CCDC148: variants seen among roughly 807,000 people sequenced by gnomAD.
CCDC148 encodes the protein coiled-coil domain containing 148, also known as coiled-coil domain-containing protein 148.
CCDC148 carries 89 observed loss-of-function variants against 85.7 expected under a neutral mutation model. The observed-to-expected ratio is 1.04, with a 90% CI of 0.87 to 1.24. The LOEUF (loss-of-function observed/expected upper bound fraction) is 1.24, where lower values mean the gene tolerates loss of function less well. Ranked by LOEUF, CCDC148 falls within the 50% of genes most tolerant of loss-of-function variation. The pLI, the probability that CCDC148 is intolerant of heterozygous loss-of-function variation, is 0.00. For synonymous variants in CCDC148, 230 were observed against 213.9 expected, an observed-to-expected ratio of 1.08 and a Z score of -0.66; for missense variants, 692 against 671.7, an observed-to-expected ratio of 1.03 and a Z score of -0.33.
At chr2:158,305,061 G>A (rs1691618901) in intron 9 of CCDC148, among the ~76,000 whole-genome samples, 1 of 152,102 alleles carries the variant, frequency 6.6e-6, no homozygotes, top group Non-Finnish European at 1.5e-5. Context: ...ATCAGAGTCA[G>A]GGTAGGAGAG....
intron 2 of CCDC148, among the ~76,000 whole-genome samples, chr2:158,350,647 A>G (rs1020147928): frequency 6.6e-6 from 1 of 152,200 alleles, no homozygotes; most frequent in African/African-American, 2.4e-5. Context: ...AAAATTGGAT[A>G]CATCTCAAAT....
chr2:158,281,774 T>C (rs563662114), intron 9 of CCDC148, among the ~76,000 whole-genome samples: 220 of 152,290 alleles, frequency 1.4e-3, no homozygotes, highest in African/African-American at 5.1e-3. Context: ...CTAACTCATT[T>C]TATGAGGCCA....
Position 158,309,743 on chromosome 2 carries a change from T to C in CCDC148, c.904-104A>G, listed in dbSNP as rs569113624. On this transcript the variant is annotated intron_variant, in intron 8 of 13. Transcript: ENST00000283233. ...AGAAAATGAATTATAACCAATGATTTTGAAAAACTGGGGACAAATATTTAA... is the reference window on the plus strand; with the variant it reads ...AGAAAATGAATTATAACCAATGATTCTGAAAAACTGGGGACAAATATTTAA... 24 of 858,346 alleles carry C rather than the reference T, an allele frequency of 2.8e-5. No homozygotes were observed. The African/African-American group carries it at 4.1e-4, about 15-fold the overall frequency. 53.2% of individuals were successfully genotyped at this position (858,346 alleles called of 1,614,324 possible).
At chr2:158,279,345 T>A (rs993421987) in intron 9 of CCDC148, among the ~76,000 whole-genome samples, 3 of 152,118 alleles carry the variant, frequency 2.0e-5, no homozygotes, top group Middle Eastern at 6.3e-3. Flanking sequence ...AGGAGGAAAT[T>A]CAAACCAAAG....
At chr2:158,419,060 G>A (rs564256007) in intron 1 of CCDC148, among the ~76,000 whole-genome samples, 1 of 152,208 alleles carries the variant, frequency 6.6e-6, no homozygotes, top group East Asian at 1.9e-4. Flanking sequence ...GTAGCATTAG[G>A]TTTAGCTTTG....
chr2:158,349,612 G>T (rs1286408631), intron 2 of CCDC148, among the ~76,000 whole-genome samples: 1 of 151,630 alleles, frequency 6.6e-6, no homozygotes, highest in Non-Finnish European at 1.5e-5. Context: ...TTAAGAAAAA[G>T]TCCTATTTGG....
intron 7 of CCDC148, among the ~76,000 whole-genome samples, chr2:158,329,674 CTT>C (rs1559074188): frequency 6.6e-6 from 1 of 152,066 alleles, no homozygotes; most frequent in South Asian, 2.1e-4. Context: ...TTTGTATCCT[CTT>C]TTATTTCATT....
intron 1 of CCDC148, among the ~76,000 whole-genome samples, chr2:158,431,529 T>C (rs67774266): frequency 0.34 from 51,934 of 150,820 alleles, 10,153 homozygotes; most frequent in Middle Eastern, 0.48. Flanking sequence ...CTACACACGC[T>C]GTGAAATATC....
intron 9 of CCDC148, among the ~76,000 whole-genome samples, chr2:158,282,001 A>T (rs960073240): frequency 3.9e-5 from 6 of 152,088 alleles, no homozygotes; most frequent in African/African-American, 1.4e-4. Flanking sequence ...GTAATCCAGC[A>T]TATAAACAGA....
intron 11 of CCDC148, among the ~76,000 whole-genome samples, chr2:158,214,078 TAG>T (rs1202384430): frequency 3.4e-5 from 4 of 118,476 alleles, no homozygotes; most frequent in Admixed American, 1.1e-4. Context: ...ACTTGGAGCA[TAG>T]AGTTACAGAA....
intron 1 of CCDC148, among the ~76,000 whole-genome samples, chr2:158,430,225 C>A (rs960742515): frequency 1.3e-5 from 2 of 152,108 alleles, no homozygotes; most frequent in Non-Finnish European, 2.9e-5. Flanking sequence ...CAGTAGGGAC[C>A]TCAGGAGCCT....
intron 9 of CCDC148, among the ~76,000 whole-genome samples, chr2:158,273,262 G>C (rs985581122): frequency 6.6e-6 from 1 of 152,128 alleles, no homozygotes; most frequent in Non-Finnish European, 1.5e-5. Flanking sequence ...GTGATTGCAG[G>C]CATGATATAT....
chr2:158,172,449 C>T (rs1013461496), intron 13 of CCDC148, among the ~76,000 whole-genome samples, 190 bp from the exon 14 acceptor site: 1 of 151,934 alleles, frequency 6.6e-6, no homozygotes, highest in African/African-American at 2.4e-5. Flanking sequence ...TTCAGTACAT[C>T]AGTGGTTTCC....
intron 10 of CCDC148, among the ~76,000 whole-genome samples, chr2:158,248,389 T>C (rs1445147413): frequency 6.6e-6 from 1 of 152,120 alleles, no homozygotes; most frequent in Non-Finnish European, 1.5e-5. Context: ...CTAATGTCTA[T>C]ATCATATCAA....
chr2:158,430,549 T>C (rs1687300952), intron 1 of CCDC148, among the ~76,000 whole-genome samples: 1 of 152,206 alleles, frequency 6.6e-6, no homozygotes, highest in East Asian at 1.9e-4. Flanking sequence ...CCTGGTATTC[T>C]ACAGATCAGT....
intron 7 of CCDC148, among the ~76,000 whole-genome samples, chr2:158,325,934 C>G (rs2105225685): frequency 6.6e-6 from 1 of 152,264 alleles, no homozygotes; most frequent in African/African-American, 2.4e-5. Flanking sequence ...TTCTACCCCC[C>G]AGCCCCACAG....
intron 1 of CCDC148, among the ~76,000 whole-genome samples, chr2:158,427,416 AC>A: frequency 6.6e-6 from 1 of 152,340 alleles, no homozygotes; most frequent in South Asian, 2.1e-4. Flanking sequence ...ACAATTATAA[AC>A]AAAGTATGTA....
chr2:158,281,703 G>C (rs1313416026), intron 9 of CCDC148, among the ~76,000 whole-genome samples: 1 of 152,144 alleles, frequency 6.6e-6, no homozygotes, highest in African/African-American at 2.4e-5. Context: ...GAGGTGCAAG[G>C]AGGAACTGGT....
intron 1 of CCDC148, among the ~76,000 whole-genome samples, chr2:158,362,013 A>C (rs189315459): frequency 0.031 from 4,591 of 149,282 alleles, 113 homozygotes; most frequent in Non-Finnish European, 0.043. Flanking sequence ...AAAAAAAAAA[A>C]CAGCAGGGAT....
Sources: allele counts gnomAD v4.1 joint callset (sites outside exome capture counted in the v4.1 genomes callset), GRCh38; gene constraint gnomAD v4.1.1; transcripts MANE v1.5; gene names NCBI Gene and HGNC (gene_info 2026-07-23, HGNC 2026-07-21).